HYDIN: variants seen among roughly 807,000 people sequenced by gnomAD.
HYDIN encodes HYDIN axonemal central pair apparatus protein.
A neutral mutation model predicts 403.9 loss-of-function variants in HYDIN; 132 were observed. That is an observed-to-expected ratio of 0.33 (90% CI 0.28 to 0.38). HYDIN has a LOEUF of 0.38. Among genes scored for constraint, HYDIN ranks in the 10% least tolerant of loss-of-function variants. The pLI is 1.00. For missense variants in HYDIN, 2,827 were observed against 5,009.5 expected, an observed-to-expected ratio of 0.56 and a Z score of 13.15; for synonymous variants, 1,202 against 1,891.7, an observed-to-expected ratio of 0.64 and a Z score of 9.46.
intron 12 of HYDIN, among the ~76,000 whole-genome samples, chr16:71,084,900 T>C (rs185341587): frequency 1.3e-5 from 2 of 152,096 alleles, no homozygotes; most frequent in Admixed American, 6.6e-5. Flanking sequence ...TTCTATTACA[T>C]TGATTGATTT....
At chr16:71,212,144 A>G (rs1465927246) in intron 1 of HYDIN, among the ~76,000 whole-genome samples, 1 of 152,234 alleles carries the variant, frequency 6.6e-6, no homozygotes, top group Non-Finnish European at 1.5e-5. Flanking sequence ...TATAGTGGAC[A>G]TTATTGAAAA....
At chr16:71,054,620 A>T (rs1181494045) in intron 18 of HYDIN, among the ~76,000 whole-genome samples, 3 of 152,212 alleles carry the variant, frequency 2.0e-5, no homozygotes, top group Admixed American at 2.0e-4. Context: ...TAAGAAGTTT[A>T]AAATGAGCTC....
intron 12 of HYDIN, among the ~76,000 whole-genome samples, chr16:71,082,551 T>C (rs1398868906): frequency 6.6e-6 from 1 of 151,426 alleles, no homozygotes; most frequent in African/African-American, 2.4e-5. Flanking sequence ...ATGTGAATTT[T>C]GGTAAATGGA....
In HYDIN at chr16:71,214,062, T is replaced by A. The variant is rs562784904; in HGVS notation, c.-24+16500A>T. ...AGCTGACATAAATTATTAGAATCAA[T>A]AGGTTTAGCAATATTGCTAAATATA... On this transcript the variant is annotated intron_variant, in intron 1 of 85. Transcript: ENST00000393567. Among the ~76,000 whole-genome samples the A allele has an allele frequency of 2.0e-5, 3 of 152,190 alleles. No homozygotes were observed. In the South Asian group the frequency reaches 6.2e-4, roughly 32 times the overall value.
intron 84 of HYDIN, among the ~76,000 whole-genome samples, chr16:70,812,893 T>C (rs1370505268): frequency 1.3e-5 from 2 of 152,222 alleles, no homozygotes; most frequent in East Asian, 3.9e-4. Context: ...ACCACTGGTA[T>C]ATGGCAGAAA....
At chr16:70,913,110 C>CT (rs111486976) in intron 47 of HYDIN, among the ~76,000 whole-genome samples, 2,990 of 146,356 alleles carry the variant, frequency 0.02, 49 homozygotes, top group Middle Eastern at 0.082. Context: ...TTTCGTATTG[C>CT]TTTTTTTTTT....
At chr16:71,192,727 A>G (rs578154018) in intron 1 of HYDIN, among the ~76,000 whole-genome samples, 1 of 151,948 alleles carries the variant, frequency 6.6e-6, no homozygotes, top group Admixed American at 6.5e-5. Context: ...TTATTGATCT[A>G]TCTCTCTCCC....
intron 39 of HYDIN, among the ~76,000 whole-genome samples, chr16:70,958,746 AG>A (rs1339845266): frequency 2.7e-5 from 4 of 149,814 alleles, no homozygotes; most frequent in Non-Finnish European, 5.9e-5. Flanking sequence ...CTCAGTGATT[AG>A]AATATCAAAA....
chr16:71,192,865 T>G (rs2087504749), intron 1 of HYDIN, among the ~76,000 whole-genome samples: 1 of 152,186 alleles, frequency 6.6e-6, no homozygotes, highest in Non-Finnish European at 1.5e-5. Context: ...AATTAATCCA[T>G]CCATCATAAT....
At chr16:70,827,079 A>C (rs529971679) in intron 83 of HYDIN, among the ~76,000 whole-genome samples, 182 bp downstream of exon 83, 244 of 12,882 alleles carry the variant, frequency 0.019, 21 homozygotes, top group African/African-American at 0.12. Flanking sequence ...AGTACATGGC[A>C]TATGTGCTCA....
At chr16:71,139,279 G>T (rs985539167) in intron 7 of HYDIN, among the ~76,000 whole-genome samples, 1 of 151,970 alleles carries the variant, frequency 6.6e-6, no homozygotes, top group Admixed American at 6.6e-5. Flanking sequence ...AATTTTTTGG[G>T]GGGGGAAAGG....
intron 1 of HYDIN, among the ~76,000 whole-genome samples, chr16:71,218,970 G>A (rs1343121702): frequency 6.6e-6 from 1 of 152,092 alleles, no homozygotes; most frequent in Non-Finnish European, 1.5e-5. Context: ...TCCTGGTTTT[G>A]AAATATGCTT....
At chr16:71,131,529 A>AT (rs1400467167) in intron 8 of HYDIN, 5 of 148,726 alleles carry the variant, frequency 3.4e-5, no homozygotes, top group Non-Finnish European at 7.4e-5. Flanking sequence ...AGCTACAAAG[A>AT]TGTCCATTAA....
At chr16:71,048,745 G>C (rs1309686432) in intron 18 of HYDIN, among the ~76,000 whole-genome samples, 3 of 152,138 alleles carry the variant, frequency 2.0e-5, no homozygotes, top group Admixed American at 6.5e-5. Context: ...GAGAGAGAAG[G>C]TCAAAAAACT....
Position 71,166,178 on chromosome 16 carries a change from T to C in HYDIN, c.517-3448A>G, listed in dbSNP as rs201459959. ...TAGCAAGTAGTAAGTACTCAATAAA[T>C]GTTAACTGTCCTTATCAGACTTTTG... On this transcript the variant is annotated intron_variant, in intron 5 of 85. Coordinates refer to ENST00000393567, the MANE Select transcript of HYDIN (RefSeq NM_001270974.2). Among the ~76,000 whole-genome samples the C allele has an allele frequency of 2.1e-3, 293 of 136,762 alleles. 3 individuals carry two copies. Among genetic ancestry groups the C allele is most frequent in the Admixed American group, 0.017 (227 of 13,328 alleles). The allele number at this position is 136,762 out of a possible 152,430, so 89.7% of individuals were successfully genotyped here.
intron 83 of HYDIN, among the ~76,000 whole-genome samples, chr16:70,821,750 A>T (rs1236117745): frequency 6.6e-6 from 1 of 151,874 alleles, no homozygotes; most frequent in African/African-American, 2.4e-5. Context: ...TTAAAAACTA[A>T]TTTTTTAAAA....
At chr16:71,048,797 C>T (rs965734184) in intron 18 of HYDIN, among the ~76,000 whole-genome samples, 2 of 152,196 alleles carry the variant, frequency 1.3e-5, no homozygotes, top group African/African-American at 4.8e-5. Context: ...ACAAAATAAT[C>T]TGTACACCAA....
intron 1 of HYDIN, among the ~76,000 whole-genome samples, chr16:71,217,563 C>T (rs1327328535): frequency 6.6e-6 from 1 of 152,108 alleles, no homozygotes; most frequent in East Asian, 1.9e-4. Context: ...GGTCAATGTC[C>T]TTTTGCTGCA....
At chr16:70,824,128 CTTT>C (rs1415128983) in intron 83 of HYDIN, among the ~76,000 whole-genome samples, 1 of 150,642 alleles carries the variant, frequency 6.6e-6, no homozygotes, top group Non-Finnish European at 1.5e-5. Context: ...AGCAGAAATG[CTTT>C]TTATTCTTTG....
Sources: gnomAD v4.1 joint callset for allele counts (sites outside exome capture counted in the v4.1 genomes callset) on GRCh38, gnomAD v4.1.1 for gene constraint, MANE v1.5 for transcripts, NCBI Gene and HGNC (gene_info 2026-07-23, HGNC 2026-07-21) for gene names.